SRBD1: variants seen among roughly 807,000 people sequenced by gnomAD.
The protein encoded by SRBD1 is S1 RNA binding domain 1, also known as S1 RNA-binding domain-containing protein 1.
Under a neutral mutation model 115.3 loss-of-function variants are expected in SRBD1, and 88 were observed. That is an observed-to-expected ratio of 0.76 (90% confidence interval 0.64 to 0.91). The LOEUF is 0.91. SRBD1 is among the 40% of genes least tolerant of loss of function. The probability of loss-of-function intolerance (pLI) is 0.00; values close to 1 mark genes in which losing one functional copy is unlikely to be tolerated. For synonymous variants in SRBD1, 509 were observed against 407.7 expected (o/e 1.25, Z -2.99); for missense variants, 1,385 against 1,177.4 (o/e 1.18, Z -2.58).
rs974047356 is a variant in SRBD1, at chr2:45,553,579, T to A, written c.1517+44A>T. The A allele has an allele frequency of 7.6e-6, 10 of 1,313,574 alleles. No individual in the cohort carries two copies. The East Asian group carries it at 1.7e-4, about 22-fold the overall frequency. The allele number at this position is 1,313,574 out of a possible 1,614,324, so 81.4% of individuals were successfully genotyped here. On this transcript the variant is annotated intron_variant, in intron 11 of 20. Coordinates refer to ENST00000263736, the MANE Select transcript of SRBD1 (RefSeq NM_018079.5). ...ACACTGTAATGGTACTAGTATCATA[T>A]AACAATAATCAGTACACAAAATTAA...
chr2:45,542,370 G>C (rs886236987), intron 14 of SRBD1, among the ~76,000 whole-genome samples: 2 of 152,216 alleles, frequency 1.3e-5, no homozygotes, highest in African/African-American at 4.8e-5. Flanking sequence ...GCAGGCCCCT[G>C]AGAGTGCAGG....
chr2:45,559,430 T>C (rs1456817004), intron 10 of SRBD1, among the ~76,000 whole-genome samples: 1 of 152,236 alleles, frequency 6.6e-6, no homozygotes, highest in Admixed American at 6.5e-5. Context: ...AGGGCTCTGT[T>C]ACAAGCACTT....
intron 19 of SRBD1, among the ~76,000 whole-genome samples, chr2:45,411,903 G>T (rs1274346581): frequency 6.6e-6 from 1 of 152,116 alleles, no homozygotes; most frequent in East Asian, 1.9e-4. Flanking sequence ...TTGAGTCCAG[G>T]AGTTTGAAAC....
chr2:45,553,791 C>G, intron 10 of SRBD1, 61 bp from the exon 11 acceptor site: 2 of 1,116,498 alleles, frequency 1.8e-6, no homozygotes, highest in Non-Finnish European at 2.5e-6. Flanking sequence ...CATAAAAAGG[C>G]TCCCAAAAAG....
At chr2:45,561,020 T>C (rs980165461) in intron 10 of SRBD1, among the ~76,000 whole-genome samples, 1 of 151,612 alleles carries the variant, frequency 6.6e-6, no homozygotes, top group Non-Finnish European at 1.5e-5. Flanking sequence ...AGTGGGAGAA[T>C]CACTGGAGTC....
At chr2:45,553,753 C>T in intron 10 of SRBD1, 23 bp from the exon 11 acceptor site, 1 of 1,479,392 alleles carries the variant, frequency 6.8e-7, no homozygotes, top group African/African-American at 1.4e-5. Flanking sequence ...AAAGCCCACA[C>T]TAAAACTGAT....
intron 1 of SRBD1, among the ~76,000 whole-genome samples, chr2:45,606,750 C>T (rs1489688548): frequency 6.6e-6 from 1 of 152,066 alleles, no homozygotes; most frequent in African/African-American, 2.4e-5. Flanking sequence ...GATTAATTAG[C>T]TGTTAAAATT....
intron 4 of SRBD1, among the ~76,000 whole-genome samples, chr2:45,593,904 T>C (rs930500558): frequency 1.3e-5 from 2 of 152,184 alleles, no homozygotes; most frequent in Non-Finnish European, 2.9e-5. Context: ...GAAAATAGTA[T>C]AAAGGGGGAT....
At position 45,508,307 on chromosome 2, in the gene SRBD1, G is replaced by T. The variant is rs540450873; in HGVS notation, c.1875-19976C>A. On this transcript the variant is annotated intron_variant, in intron 14 of 20. Coordinates refer to ENST00000263736, the MANE Select transcript of SRBD1 (RefSeq NM_018079.5). The stretch of plus-strand genomic sequence containing the variant: ...AAAACTGGCAATATAATCTCATACT[G>T]AAGAATTTAAACTACAGACTTCCTG... 5.3e-5 allele frequency among the ~76,000 whole-genome samples: 8 copies of T among 152,270 alleles called. No homozygotes were observed. The South Asian group carries it at 1.5e-3, about 28-fold the overall frequency.
intron 14 of SRBD1, among the ~76,000 whole-genome samples, chr2:45,497,572 G>A (rs1437934223): frequency 6.6e-6 from 1 of 152,144 alleles, no homozygotes; most frequent in East Asian, 1.9e-4. Flanking sequence ...TTTCTAAGAA[G>A]TTCTCTGGTG....
intron 16 of SRBD1, among the ~76,000 whole-genome samples, chr2:45,420,817 A>G (rs566096813): frequency 4.7e-4 from 72 of 152,322 alleles, no homozygotes; most frequent in African/African-American, 1.6e-3. Context: ...GCACATTCTT[A>G]GAAGCTTTGA....
intron 16 of SRBD1, among the ~76,000 whole-genome samples, chr2:45,474,188 A>G (rs1669736193): frequency 6.6e-6 from 1 of 152,162 alleles, no homozygotes; most frequent in Non-Finnish European, 1.5e-5. Context: ...ACTTTTACTT[A>G]TTTCAAAGTC....
At chr2:45,410,715 G>A (rs907326947) in intron 19 of SRBD1, among the ~76,000 whole-genome samples, 15 of 152,234 alleles carry the variant, frequency 9.9e-5, no homozygotes, top group African/African-American at 3.1e-4. Flanking sequence ...CCAGGGAGGG[G>A]AGAAGGGCTG....
chr2:45,429,553 A>G (rs1026854480), intron 16 of SRBD1, among the ~76,000 whole-genome samples: 1 of 152,220 alleles, frequency 6.6e-6, no homozygotes, highest in Admixed American at 6.5e-5. Context: ...CTACATGATT[A>G]TCTCAATAGA....
At position 45,542,212 on chromosome 2, in the gene SRBD1, A is replaced by G. The variant is rs140424036; in HGVS notation, c.1874+4520T>C. On this transcript the variant is annotated intron_variant, in intron 14 of 20. Coordinates refer to ENST00000263736, the MANE Select transcript of SRBD1 (RefSeq NM_018079.5). ...TGAGGCAGCAGGGGCTGGTGTCAGC[A>G]CTGCCTCGAGTGCAGGCACACCTGT... Among the ~76,000 whole-genome samples, 1,104 of 152,332 alleles carry G rather than the reference A, an allele frequency of 7.2e-3. 6 individuals carry two copies. The highest frequency in any genetic ancestry group is 0.011 in the Admixed American group (175 of 15,306).
At chr2:45,444,070 C>T (rs1668749414) in intron 16 of SRBD1, among the ~76,000 whole-genome samples, 1 of 152,026 alleles carries the variant, frequency 6.6e-6, no homozygotes, top group South Asian at 2.1e-4. Context: ...AACAGCTCTA[C>T]ATAAGAAAAT....
chr2:45,437,549 C>A (rs907593115), intron 16 of SRBD1, among the ~76,000 whole-genome samples: 1 of 152,066 alleles, frequency 6.6e-6, no homozygotes, highest in Non-Finnish European at 1.5e-5. Context: ...AGATCTTACA[C>A]CCTTAACAAA....
rs770971586 is a variant in SRBD1 at position 45,511,065 on chromosome 2, G to A, written c.1875-22734C>T. On this transcript the variant is annotated intron_variant, in intron 14 of 20. Transcript: ENST00000263736. ...CAAACCAAAGTCAAACGAAATCCTT[G>A]CTCCCTCTTTTGACAAGGTCAGTGC... Among the ~76,000 whole-genome samples, 5 of 152,188 alleles carry A rather than the reference G, an allele frequency of 3.3e-5. No homozygotes were observed. In the South Asian group the frequency reaches 1.0e-3, roughly 32 times the overall value.
At chr2:45,481,162 G>C (rs547263255) in intron 15 of SRBD1, among the ~76,000 whole-genome samples, 5 of 152,110 alleles carry the variant, frequency 3.3e-5, no homozygotes, top group Admixed American at 6.6e-5. Context: ...AATGCCATTA[G>C]ATTCTTAACA....
Sources: allele counts gnomAD v4.1 joint callset (sites outside exome capture counted in the v4.1 genomes callset), GRCh38; gene constraint gnomAD v4.1.1; transcripts MANE v1.5; gene names NCBI Gene and HGNC (gene_info 2026-07-23, HGNC 2026-07-21).